Variants in MERTK observed in about 807,000 individuals in gnomAD.
MERTK encodes tyrosine-protein kinase Mer.
Under a neutral mutation model 99.3 loss-of-function variants are expected in MERTK, and 69 were observed. The observed-to-expected ratio is 0.70, with a 90% CI of 0.57 to 0.85. MERTK has a LOEUF of 0.85. Among genes scored for constraint, MERTK ranks in the 40% least tolerant of loss-of-function variants. The pLI, the probability that MERTK is intolerant of heterozygous loss-of-function variation, is 0.00. For missense variants in MERTK, 1,125 were observed against 1,249.4 expected (o/e 0.90, Z 1.50); for synonymous variants, 426 against 467.6 (o/e 0.91, Z 1.15).
chr2:111,925,582 C>T (rs983196177), intron 1 of MERTK, among the ~76,000 whole-genome samples: 4 of 151,514 alleles, frequency 2.6e-5, no homozygotes, highest in Non-Finnish European at 4.4e-5. Context: ...GGATTACAGG[C>T]GTGAGCCACC....
chr2:111,997,960 A>G (rs1676787579), intron 10 of MERTK, among the ~76,000 whole-genome samples: 1 of 152,210 alleles, frequency 6.6e-6, no homozygotes, highest in Non-Finnish European at 1.5e-5. Flanking sequence ...GCTGAGGCAC[A>G]GGAATTGCTT....
At chr2:111,944,437 A>G (rs1005114407) in intron 2 of MERTK, among the ~76,000 whole-genome samples, 2 of 10 alleles carry the variant, frequency 0.2, no homozygotes, top group Non-Finnish European at 0.5. Flanking sequence ...GAATTATTTT[A>G]AGGAATTTTC....
At chr2:111,997,258 C>A (rs981860189) in intron 9 of MERTK, 65 bp from the exon 10 acceptor site, 3 of 1,542,580 alleles carry the variant, frequency 1.9e-6, no homozygotes, top group Non-Finnish European at 1.8e-6. Context: ...TTTGTTCTTC[C>A]CTGTTACAAG....
chr2:111,940,702 T>C lies in MERTK; in HGVS notation c.483-4258T>C, dbSNP rs61746962. 1.9e-3 allele frequency: 1,522 copies of C among 781,792 alleles called. 24 individuals carry two copies. In the African/African-American group the frequency reaches 0.023, roughly 12 times the overall value. 48.4% of individuals were successfully genotyped at this position (781,792 alleles called of 1,614,324 possible). A position where few individuals can be genotyped will look rare whatever the true frequency, so the allele number is the denominator to read the frequency against. Reference sequence around the variant, plus strand: ...CAATGGTTCTGCATTTTTAGTTGCATTGTCAGCAGTTTTTGCATTATCAGG... The same window carrying C: ...CAATGGTTCTGCATTTTTAGTTGCACTGTCAGCAGTTTTTGCATTATCAGG... On this transcript the variant is annotated intron_variant, in intron 2 of 18. Transcript: ENST00000295408.
chr2:111,933,560 A>T (rs1172166863), intron 2 of MERTK, among the ~76,000 whole-genome samples: 1 of 152,004 alleles, frequency 6.6e-6, no homozygotes. Context: ...TTTTTCTAAA[A>T]GGTATTAGGA....
chr2:111,923,760 C>T (rs74182850), intron 1 of MERTK, among the ~76,000 whole-genome samples: 31,808 of 152,132 alleles, frequency 0.21, 4,001 homozygotes, highest in Middle Eastern at 0.36. Flanking sequence ...CTGAATTCAT[C>T]TGCAATCACT....
intron 15 of MERTK, among the ~76,000 whole-genome samples, chr2:112,016,013 A>G (rs1470537930): frequency 6.6e-6 from 1 of 152,192 alleles, no homozygotes; most frequent in African/African-American, 2.4e-5. Flanking sequence ...CTGTTTCATT[A>G]AACTCTGTGC....
intron 18 of MERTK, among the ~76,000 whole-genome samples, chr2:112,027,128 T>C (rs1677478924): frequency 1.3e-5 from 2 of 151,868 alleles, no homozygotes; most frequent in Admixed American, 1.3e-4. Context: ...AGACTTCGTC[T>C]TATTAAAAAA....
chr2:112,019,233 T>A (rs1677281547), intron 15 of MERTK, 180 bp from the exon 16 acceptor site: 1 of 740,842 alleles, frequency 1.3e-6, no homozygotes, highest in East Asian at 2.5e-5. Flanking sequence ...TTAAGGTTTT[T>A]CTCATTCCTT....
chr2:111,902,179 C>A (rs1684056501), intron 1 of MERTK, among the ~76,000 whole-genome samples: 1 of 152,198 alleles, frequency 6.6e-6, no homozygotes, highest in Non-Finnish European at 1.5e-5. Flanking sequence ...GCCACCACAC[C>A]CAGCCAATAA....
At chr2:111,994,842 AGATAT>A (rs1161025792) in intron 9 of MERTK, 11 of 307,272 alleles carry the variant, frequency 3.6e-5, no homozygotes, top group Admixed American at 1.4e-4. Context: ...CCAATGATAA[AGATAT>A]GATATGATAA....
chr2:111,910,299 C>T (rs1487975902), intron 1 of MERTK, among the ~76,000 whole-genome samples: 6 of 149,372 alleles, frequency 4.0e-5, no homozygotes, highest in African/African-American at 1.2e-4. Flanking sequence ...GACAAAGTCT[C>T]GCTCTTGTCC....
chr2:111,975,682 A>G (rs1040959759), intron 7 of MERTK, among the ~76,000 whole-genome samples: 4 of 152,200 alleles, frequency 2.6e-5, no homozygotes, highest in African/African-American at 9.7e-5. Context: ...TGTTATGTAT[A>G]GGTAATCTTT....
At chr2:112,003,532 C>A in intron 12 of MERTK, 1 of 333,500 alleles carries the variant, frequency 3.0e-6, no homozygotes, top group Non-Finnish European at 5.6e-6. Context: ...TAATTAGGAA[C>A]AAAAATGAAA....
intron 1 of MERTK, among the ~76,000 whole-genome samples, chr2:111,911,997 CTTTATTTA>C (rs70962964): frequency 5.4e-5 from 8 of 148,366 alleles, no homozygotes; most frequent in East Asian, 3.9e-4. Flanking sequence ...CTTCCAATCG[CTTTATTTA>C]TTTATTTATT....
chr2:112,024,638 A>G (rs929293623), intron 18 of MERTK, among the ~76,000 whole-genome samples: 1 of 152,198 alleles, frequency 6.6e-6, no homozygotes, highest in African/African-American at 2.4e-5. Context: ...CCTTTGTAAA[A>G]TGAACTCAGG....
intron 1 of MERTK, among the ~76,000 whole-genome samples, chr2:111,912,581 T>A (rs565970012): frequency 3.9e-5 from 6 of 152,130 alleles, no homozygotes; most frequent in Non-Finnish European, 8.8e-5. Context: ...TTCAGCCCCA[T>A]TATATGTTGC....
chr2:112,022,191 A>C, intron 17 of MERTK, 67 bp from the exon 18 acceptor site: 1 of 1,605,772 alleles, frequency 6.2e-7, no homozygotes, highest in Non-Finnish European at 8.5e-7. Context: ...GACCTTTCCC[A>C]GTGAAAAAGT....
rs199893275 is a variant in MERTK at position 112,019,342 on chromosome 2, C to G, written c.2080-71C>G. 313 of 1,107,774 alleles carry G rather than the reference C, an allele frequency of 2.8e-4. 1 individual carries two copies. The highest frequency in any genetic ancestry group is 9.4e-5 in the East Asian group (4 of 42,536). The allele number at this position is 1,107,774 out of a possible 1,614,324, so 68.6% of individuals were successfully genotyped here. On this transcript the variant is annotated intron_variant, in intron 15 of 18. Coordinates refer to ENST00000295408, the MANE Select transcript of MERTK (RefSeq NM_006343.3). ...AATAAATTAAAGCATCCTTTCCCCC[C>G]CCGGCAGAAACTGCTTGCAAGTTTT...
Sources: allele counts gnomAD v4.1 joint callset (sites outside exome capture counted in the v4.1 genomes callset), GRCh38; gene constraint gnomAD v4.1.1; transcripts MANE v1.5; gene names NCBI Gene and HGNC (gene_info 2026-07-23, HGNC 2026-07-21).